Variants in MGAT5 observed in about 807,000 individuals in gnomAD.
MGAT5 encodes alpha-1,6-mannosylglycoprotein 6-beta-N-acetylglucosaminyltransferase.
MGAT5 carries 30 observed loss-of-function variants against 94.3 expected under a neutral mutation model. The observed-to-expected ratio is 0.32, with a 90% CI of 0.24 to 0.43. MGAT5 has a LOEUF of 0.43. MGAT5 is among the 20% of genes least tolerant of loss of function. The pLI is 1.00. For missense variants in MGAT5, 691 were observed against 905.5 expected (o/e 0.76, Z 3.04); for synonymous variants, 310 against 322.9 (o/e 0.96, Z 0.43).
At chr2:134,436,193 C>A (rs1685155308) in intron 14 of MGAT5, among the ~76,000 whole-genome samples, 1 of 152,158 alleles carries the variant, frequency 6.6e-6, no homozygotes, top group South Asian at 2.1e-4. Flanking sequence ...TGTGTGAGAG[C>A]AGGCAGAGCT....
intron 1 of MGAT5, among the ~76,000 whole-genome samples, chr2:134,260,965 T>C (rs1041410000): frequency 6.6e-6 from 1 of 152,130 alleles, no homozygotes; most frequent in African/African-American, 2.4e-5. Flanking sequence ...CTTGGGACTT[T>C]TCCAGCCATC....
intron 1 of MGAT5, among the ~76,000 whole-genome samples, chr2:134,212,995 C>T (rs994999109): frequency 2.0e-5 from 3 of 152,202 alleles, no homozygotes; most frequent in African/African-American, 7.2e-5. Flanking sequence ...ATGTTTGTCT[C>T]ATCTTCTCCT....
intron 10 of MGAT5, among the ~76,000 whole-genome samples, chr2:134,372,520 G>T (rs1328362389): frequency 6.6e-6 from 1 of 152,186 alleles, no homozygotes; most frequent in Non-Finnish European, 1.5e-5. Context: ...AGGTGATAAA[G>T]CCTCAGAGAC....
intron 4 of MGAT5, among the ~76,000 whole-genome samples, chr2:134,320,722 G>C (rs1344217689): frequency 1.3e-5 from 2 of 152,144 alleles, no homozygotes; most frequent in African/African-American, 4.8e-5. Flanking sequence ...AAATATTCTT[G>C]CCATAGTTTT....
rs184811122 is a variant in MGAT5 at position 134,129,813 on chromosome 2, C to G, written c.-143+9522C>G. ...AGCAGCCCTCGCTCGCTCTCAGCACCTCCTCGGCCTCAGCGTCCACTCTGG... is the reference window on the plus strand; with the variant it reads ...AGCAGCCCTCGCTCGCTCTCAGCACGTCCTCGGCCTCAGCGTCCACTCTGG... On this transcript the variant is annotated intron_variant, in intron 1 of 16. Coordinates refer to the MGAT5 transcript ENST00000409645. Among the ~76,000 whole-genome samples, 342 of 152,310 alleles carry G rather than the reference C, an allele frequency of 2.2e-3. 10 individuals carry two copies. The highest frequency in any genetic ancestry group is 0.022 in the Admixed American group (340 of 15,300).
At chr2:134,416,474 C>CTTTTTTTTTTTTTTTTTTTTTTTTT (rs71275904) in intron 12 of MGAT5, among the ~76,000 whole-genome samples, 3 of 139,170 alleles carry the variant, frequency 2.2e-5, no homozygotes, top group Non-Finnish European at 3.1e-5. Context: ...TCATTCCTTA[C>CTTTTTTTTTTTTTTTTTTTTTTTTT]TTTTTTTTTT....
At chr2:134,291,124 C>T (rs1479667767) in intron 2 of MGAT5, among the ~76,000 whole-genome samples, 1 of 152,000 alleles carries the variant, frequency 6.6e-6, no homozygotes, top group Non-Finnish European at 1.5e-5. Context: ...GAGAAAATTG[C>T]CTGGGAAAGA....
intron 7 of MGAT5, 146 bp downstream of exon 7, chr2:134,341,905 C>T: frequency 1.5e-6 from 1 of 666,656 alleles, no homozygotes; most frequent in Non-Finnish European, 2.4e-6. Flanking sequence ...AGATTATTTT[C>T]AGGAGCTAAA....
chr2:134,165,051 G>A (rs565183267), intron 1 of MGAT5, among the ~76,000 whole-genome samples: 1 of 152,326 alleles, frequency 6.6e-6, no homozygotes, highest in South Asian at 2.1e-4. Flanking sequence ...ACTTTCTGTG[G>A]TGATGGAAGT....
intron 2 of MGAT5, among the ~76,000 whole-genome samples, chr2:134,282,349 C>G (rs998173314): frequency 1.4e-4 from 22 of 152,116 alleles, no homozygotes; most frequent in African/African-American, 5.3e-4. Context: ...GGTTTTCATG[C>G]CCCCGGGCTA....
chr2:134,250,952 G>A (rs1682553635), upstream of MGAT5, among the ~76,000 whole-genome samples: 1 of 152,160 alleles, frequency 6.6e-6, no homozygotes, highest in Admixed American at 6.5e-5. Context: ...TCAGTTCCTA[G>A]CCCTTGATCT....
intron 1 of MGAT5, among the ~76,000 whole-genome samples, chr2:134,241,421 A>C (rs1255554970): frequency 6.6e-6 from 1 of 152,212 alleles, no homozygotes; most frequent in East Asian, 1.9e-4. Context: ...CATTTTGTCT[A>C]ATTGGGGGTT....
At chr2:134,324,059 G>A (rs1214146646) in intron 4 of MGAT5, among the ~76,000 whole-genome samples, 1 of 152,116 alleles carries the variant, frequency 6.6e-6, no homozygotes, top group African/African-American at 2.4e-5. Context: ...CATCTCTGTT[G>A]ATATTATGTT....
intron 10 of MGAT5, among the ~76,000 whole-genome samples, chr2:134,370,158 C>T (rs1399351435): frequency 6.6e-6 from 1 of 152,088 alleles, no homozygotes; most frequent in Non-Finnish European, 1.5e-5. Context: ...TGGAGAAATG[C>T]CATTTTATTT....
intron 1 of MGAT5, among the ~76,000 whole-genome samples, chr2:134,226,814 C>T (rs1223796370): frequency 6.6e-6 from 1 of 152,102 alleles, no homozygotes; most frequent in East Asian, 1.9e-4. Context: ...TTCTTTAGTA[C>T]ATGACTAAAA....
At chr2:134,231,829 G>A (rs1258529648) in intron 1 of MGAT5, among the ~76,000 whole-genome samples, 1 of 152,196 alleles carries the variant, frequency 6.6e-6, no homozygotes, top group Non-Finnish European at 1.5e-5. Context: ...CTGAGTAGTG[G>A]CTGGTCCTTC....
chr2:134,452,163 C>T lies in MGAT5; in HGVS notation c.*3316C>T, dbSNP rs1039425090. ...GCTCCCTATAACCCCCCCGCCAGGCCATAGCGTGTATGCATGTGCACTTCC... is the reference window on the plus strand; with the variant it reads ...GCTCCCTATAACCCCCCCGCCAGGCTATAGCGTGTATGCATGTGCACTTCC... On this transcript the variant is annotated 3_prime_UTR_variant, in exon 16 of 16. Transcript: ENST00000281923. 1 of 152,224 alleles carries T rather than the reference C, an allele frequency of 6.6e-6. No individual in the cohort carries two copies. The highest frequency in any genetic ancestry group is 1.5e-5 in the Non-Finnish European group (1 of 68,068). The allele number at this position is 152,224 out of a possible 1,614,324, so 9.4% of individuals were successfully genotyped here. A position where few individuals can be genotyped will look rare whatever the true frequency, so the allele number is the denominator to read the frequency against.
intron 2 of MGAT5, among the ~76,000 whole-genome samples, chr2:134,301,294 A>G (rs1377285274): frequency 2.6e-5 from 4 of 152,144 alleles, no homozygotes; most frequent in Non-Finnish European, 1.5e-5. Flanking sequence ...CATGTGAGTC[A>G]TTTCCAGTTG....
At chr2:134,138,585 T>C (rs1262461566) in intron 1 of MGAT5, among the ~76,000 whole-genome samples, 2 of 152,238 alleles carry the variant, frequency 1.3e-5, no homozygotes, top group Non-Finnish European at 2.9e-5. Context: ...TGCAGATGAA[T>C]ACTTTCTCTC....
Sources: allele counts gnomAD v4.1 joint callset (sites outside exome capture counted in the v4.1 genomes callset), GRCh38; gene constraint gnomAD v4.1.1; transcripts MANE v1.5; gene names NCBI Gene and HGNC (gene_info 2026-07-23, HGNC 2026-07-21).